Variants in SMAD9 observed in about 807,000 individuals in gnomAD.
SMAD9 encodes the protein MAD homolog 9.
In SMAD9, 36 loss-of-function variants were observed where a neutral mutation model predicts 46.1. That is an observed-to-expected ratio of 0.78 (90% CI 0.60 to 1.03). SMAD9 has a LOEUF of 1.03. SMAD9 is among the 50% of genes least tolerant of loss of function. SMAD9 has a pLI of 0.00. For synonymous variants in SMAD9, 245 were observed against 237.1 expected, an observed-to-expected ratio of 1.03 and a Z score of -0.31; for missense variants, 572 against 599.8, an observed-to-expected ratio of 0.95 and a Z score of 0.48.
chr13:36,881,700 GA>G (rs1337453203), intron 1 of SMAD9, among the ~76,000 whole-genome samples: 1 of 152,182 alleles, frequency 6.6e-6, no homozygotes, highest in Non-Finnish European at 1.5e-5. Flanking sequence ...GTTTTATTTG[GA>G]AAGGTTGATT....
intron 1 of SMAD9, among the ~76,000 whole-genome samples, chr13:36,885,083 TAA>T (rs2058434017): frequency 6.6e-6 from 1 of 152,374 alleles, no homozygotes; most frequent in Middle Eastern, 3.4e-3. Flanking sequence ...TTGGTATCTA[TAA>T]GACAGTTTAC....
chr13:36,866,499 A>G (rs2138388331), intron 4 of SMAD9, among the ~76,000 whole-genome samples: 1 of 152,258 alleles, frequency 6.6e-6, no homozygotes, highest in Non-Finnish European at 1.5e-5. Flanking sequence ...CTGCCTTTCT[A>G]GTGATTGTAT....
At chr13:36,854,540 G>T (rs2058104611) in intron 5 of SMAD9, among the ~76,000 whole-genome samples, 1 of 152,022 alleles carries the variant, frequency 6.6e-6, no homozygotes, top group Non-Finnish European at 1.5e-5. Context: ...GCTAATTTTT[G>T]TTTTTTAGTA....
intron 1 of SMAD9, among the ~76,000 whole-genome samples, chr13:36,903,050 T>A (rs2058590145): frequency 6.6e-6 from 1 of 151,144 alleles, no homozygotes; most frequent in Non-Finnish European, 1.5e-5. Context: ...CAAAGAGGAG[T>A]TTACATGGCA....
Position 36,916,974 on chromosome 13 carries a change from AATAGG to A in SMAD9, c.-187+3137_-187+3141del, listed in dbSNP as rs1253683227. Among the ~76,000 whole-genome samples the A allele has an allele frequency of 4.6e-5, 7 of 152,176 alleles. No individual in the cohort carries two copies. In the East Asian group the frequency reaches 1.2e-3, roughly 25 times the overall value. On this transcript the variant is annotated intron_variant, in intron 1 of 6. Transcript: ENST00000379826. Reference sequence around the variant, plus strand: ...ATTTGCTATTTTAACTGCAGCATAAAATAGGGAAAGACCGGGAAGATAAGCCTGGA... The same window carrying A: ...ATTTGCTATTTTAACTGCAGCATAAAGAAAGACCGGGAAGATAAGCCTGGA...
At chr13:36,870,463 G>T (rs1326182152) in intron 3 of SMAD9, among the ~76,000 whole-genome samples, 1 of 152,048 alleles carries the variant, frequency 6.6e-6, no homozygotes, top group Non-Finnish European at 1.5e-5. Flanking sequence ...AGTAAGTCCT[G>T]TTGGACCTCC....
intron 1 of SMAD9, among the ~76,000 whole-genome samples, chr13:36,902,899 C>T (rs1337531770): frequency 1.3e-5 from 2 of 152,134 alleles, no homozygotes; most frequent in Non-Finnish European, 2.9e-5. Context: ...TAGAATAGAG[C>T]CTGACACATA....
Position 36,872,852 on chromosome 13 carries a change from T to C in SMAD9, c.476A>G (p.Lys159Arg). The change falls in exon 3 of 7, where the codon AAG becomes AGG. Residue 159 changes from lysine (K) to arginine (R), a missense_variant. By Grantham distance (26) the Lys-to-Arg change is conservative. Transcript: ENST00000379826. ...EYNPQLSLLA[K>R]FRSASLHSEP... is the part of the protein sequence containing the mutation. ...ACTGTGCAGGGAGGCGCTGCGGAAC[T>C]TGGCCAGGAGGCTGAGCTGGGGGTT... 1 of 1,614,100 alleles carries C rather than the reference T, an allele frequency of 6.2e-7. No homozygotes were observed. Among genetic ancestry groups the C allele is most frequent in the Non-Finnish European group, 8.5e-7 (1 of 1,180,020 alleles).
chr13:36,865,611 C>A lies in SMAD9; in HGVS notation c.929G>T (p.Arg310Ile). Reference protein sequence around the residue: ...GFTDPSNNRNRFCLGLLSNVN... With the variant: ...GFTDPSNNRNIFCLGLLSNVN... ...ATTAGAAAGAAGTCCAAGACAGAAT[C>A]TGTTCCTGTTATTTGAAGGGTCGGT... Residue 310 changes from arginine to isoleucine, a missense_variant, in exon 5 of 7, where the codon AGA (arginine) becomes ATA (isoleucine). Physicochemically the swap from Arg to Ile is moderately conservative, Grantham distance 97 (BLOSUM62 -3). Coordinates refer to ENST00000379826, the MANE Select transcript of SMAD9 (RefSeq NM_001127217.3). 1 of 1,614,198 alleles carries A rather than the reference C, an allele frequency of 6.2e-7. No homozygotes were observed. The highest frequency in any genetic ancestry group is 1.1e-5 in the South Asian group (1 of 91,084).
At chr13:36,902,238 TTC>T (rs1566038231) in intron 1 of SMAD9, among the ~76,000 whole-genome samples, 1 of 152,208 alleles carries the variant, frequency 6.6e-6, no homozygotes, top group African/African-American at 2.4e-5. Flanking sequence ...GAAGACATTG[TTC>T]TCCACTGAAT....
At chr13:36,867,726 CAG>C (rs1260409226) in intron 3 of SMAD9, among the ~76,000 whole-genome samples, 2 of 152,204 alleles carry the variant, frequency 1.3e-5, no homozygotes, top group African/African-American at 4.8e-5. Flanking sequence ...TTGCAAAACA[CAG>C]AGAAAGCTAA....
At chr13:36,893,389 C>CATAT (rs538703517) in intron 1 of SMAD9, among the ~76,000 whole-genome samples, 1 of 146,270 alleles carries the variant, frequency 6.8e-6, no homozygotes, top group Non-Finnish European at 1.5e-5. Flanking sequence ...AACTATTGTA[C>CATAT]ATATATATAT....
intron 1 of SMAD9, among the ~76,000 whole-genome samples, chr13:36,887,433 G>A (rs1359830178): frequency 6.6e-6 from 1 of 151,794 alleles, no homozygotes; most frequent in Non-Finnish European, 1.5e-5. Context: ...AAGTTAGCTA[G>A]GCTGGTCTCG....
At chr13:36,868,338 G>C (rs1162877682) in intron 3 of SMAD9, among the ~76,000 whole-genome samples, 1 of 152,200 alleles carries the variant, frequency 6.6e-6, no homozygotes, top group Admixed American at 6.5e-5. Context: ...CATGGGTAAG[G>C]TATTTCCTTG....
chr13:36,886,360 G>A (rs1157584908), intron 1 of SMAD9, among the ~76,000 whole-genome samples: 1 of 152,260 alleles, frequency 6.6e-6, no homozygotes, highest in Admixed American at 6.5e-5. Flanking sequence ...GAGCTGTACT[G>A]AAATGCAGGA....
At chr13:36,881,444 C>T (rs1224357285) in intron 1 of SMAD9, among the ~76,000 whole-genome samples, 1 of 152,212 alleles carries the variant, frequency 6.6e-6, no homozygotes, top group Non-Finnish European at 1.5e-5. Context: ...ATTCTATAAA[C>T]TTCTTTCGAA....
In SMAD9 at chr13:36,897,510, G is replaced by T. The variant is rs1026927887; in HGVS notation, c.-186-17635C>A. 9.9e-5 allele frequency among the ~76,000 whole-genome samples: 15 copies of T among 152,114 alleles called. No individual in the cohort carries two copies. The East Asian group carries it at 2.9e-3, about 29-fold the overall frequency. ...TACAAGAGACTCTCCCACAGTACAT[G>T]AAATCTACAATATATTCATGACTGT... On this transcript the variant is annotated intron_variant, in intron 1 of 6. Coordinates refer to ENST00000379826, the MANE Select transcript of SMAD9 (RefSeq NM_001127217.3).
chr13:36,903,040 C>T (rs1398375819), intron 1 of SMAD9, among the ~76,000 whole-genome samples: 1 of 151,452 alleles, frequency 6.6e-6, no homozygotes, highest in African/African-American at 2.4e-5. Context: ...TAATTTCTGT[C>T]AAAGAGGAGT....
At chr13:36,865,013 A>G (rs547078919) in intron 5 of SMAD9, among the ~76,000 whole-genome samples, 2 of 152,298 alleles carry the variant, frequency 1.3e-5, no homozygotes, top group South Asian at 4.1e-4. Context: ...CTGGTCAGAA[A>G]AGAGACCAGT....
Sources: allele counts gnomAD v4.1 joint callset (sites outside exome capture counted in the v4.1 genomes callset), GRCh38; gene constraint gnomAD v4.1.1; transcripts MANE v1.5; gene names NCBI Gene and HGNC (gene_info 2026-07-23, HGNC 2026-07-21).